IFNGR1: variants seen among roughly 807,000 people sequenced by gnomAD.
The protein encoded by IFNGR1 is AVP, type 2.
A neutral mutation model predicts 35.4 loss-of-function variants in IFNGR1; 23 were observed. The observed-to-expected ratio is 0.65, with a 90% confidence interval of 0.47 to 0.92. IFNGR1 has a LOEUF of 0.92. Among genes scored for constraint, IFNGR1 ranks in the 40% least tolerant of loss-of-function variants. The pLI is 0.00. For synonymous variants in IFNGR1, 199 were observed against 209.5 expected, an observed-to-expected ratio of 0.95 and a Z score of 0.43; for missense variants, 533 against 583.4, an observed-to-expected ratio of 0.91 and a Z score of 0.89.
At chr6:137,214,397 C>T (rs574623382) in intron 1 of IFNGR1, among the ~76,000 whole-genome samples, 6 of 152,298 alleles carry the variant, frequency 3.9e-5, no homozygotes, top group African/African-American at 9.6e-5. Flanking sequence ...AGCAAGGAGC[C>T]GCATCCCCCA....
At chr6:137,202,400 A>G (rs1743285276) in intron 5 of IFNGR1, among the ~76,000 whole-genome samples, 1 of 152,230 alleles carries the variant, frequency 6.6e-6, no homozygotes, top group African/African-American at 2.4e-5. Context: ...CATAACGAAA[A>G]TTAGCATAAA....
chr6:137,212,320 T>G (rs775616559), intron 1 of IFNGR1, among the ~76,000 whole-genome samples: 1 of 152,164 alleles, frequency 6.6e-6, no homozygotes, highest in Non-Finnish European at 1.5e-5. Flanking sequence ...TGCAATGGCA[T>G]GATCTCTGCT....
chr6:137,199,362 A>G (rs1210010217), intron 6 of IFNGR1, among the ~76,000 whole-genome samples: 2 of 131,134 alleles, frequency 1.5e-5, no homozygotes, highest in Non-Finnish European at 3.1e-5. Context: ...AATTTATAAT[A>G]TATTATATAA....
rs115194356 is a variant in IFNGR1 at position 137,202,281 on chromosome 6, C to T, written c.733+1218G>A. Among the ~76,000 whole-genome samples, 1,221 of 152,314 alleles carry T rather than the reference C, an allele frequency of 8.0e-3. 15 individuals are homozygous for T. The highest frequency in any genetic ancestry group is 0.028 in the African/African-American group (1,176 of 41,560). Reference sequence around the variant, plus strand: ...TGCTCAGGAGCCACGGCAATGCCACCGTGTGGCCATACTATCAGTGCAGTG... The same window carrying T: ...TGCTCAGGAGCCACGGCAATGCCACTGTGTGGCCATACTATCAGTGCAGTG... On this transcript the variant is annotated intron_variant, in intron 5 of 6. Coordinates refer to ENST00000367739, the MANE Select transcript of IFNGR1 (RefSeq NM_000416.3).
chr6:137,219,133 T>C, intron 1 of IFNGR1, 110 bp downstream of exon 1: 1 of 1,415,206 alleles, frequency 7.1e-7, no homozygotes, highest in Non-Finnish European at 9.7e-7. Context: ...GACGCAGGGG[T>C]CCCGGGCTAG....
chr6:137,199,320 ATATAATT>A (rs1347257505), intron 6 of IFNGR1, among the ~76,000 whole-genome samples: 2 of 132,510 alleles, frequency 1.5e-5, no homozygotes, highest in Non-Finnish European at 3.1e-5. Context: ...ATTATATAAT[ATATAATT>A]TATAATATAT....
At chr6:137,205,670 C>T (rs546490193) in intron 3 of IFNGR1, among the ~76,000 whole-genome samples, 3 of 152,124 alleles carry the variant, frequency 2.0e-5, no homozygotes, top group Non-Finnish European at 2.9e-5. Flanking sequence ...CTGGGCAGCA[C>T]AGACCCATAA....
At chr6:137,215,950 G>C (rs1481916856) in intron 1 of IFNGR1, among the ~76,000 whole-genome samples, 7 of 152,162 alleles carry the variant, frequency 4.6e-5, no homozygotes, top group Non-Finnish European at 1.0e-4. Context: ...GGGCTCCAGT[G>C]ATCCTTCCGC....
In IFNGR1 at chr6:137,198,269, C is replaced by T. The variant is rs762165619; in HGVS notation, c.1232G>A (p.Gly411Asp). The change falls in exon 7 of 7, where the codon GGT (glycine) becomes GAT (aspartate). Residue 411 changes from glycine (G) to aspartate (D), a missense_variant. Coordinates refer to ENST00000367739, the MANE Select transcript of IFNGR1 (RefSeq NM_000416.3). ...NCSESDHSRN[G>D]FDTDSSCLES... ...CAGACAGCTGGAATCAGTATCAAAACCATTTCTGGAGTGATCACTCTCAGA... is the reference window on the plus strand; with the variant it reads ...CAGACAGCTGGAATCAGTATCAAAATCATTTCTGGAGTGATCACTCTCAGA... 3.1e-6 allele frequency: 5 copies of T among 1,613,970 alleles called. No individual in the cohort carries two copies. Among genetic ancestry groups the T allele is most frequent in the Non-Finnish European group, 4.2e-6 (5 of 1,180,018 alleles).
rs1360178983 is a variant in IFNGR1 at position 137,198,330 on chromosome 6, T to C, written c.1171A>G (p.Ser391Gly). 1 of 1,614,198 alleles carries C rather than the reference T, an allele frequency of 6.2e-7. No homozygotes were observed. Among genetic ancestry groups the C allele is most frequent in the Non-Finnish European group, 8.5e-7 (1 of 1,180,030 alleles). ...GAGTGATACGAGTTTAAAGCGATGC[T>C]GCCAGGTTCAGACTGGTTACTACTT... ...PLSSNQSEPG[S>G]IALNSYHSRN... is the part of the protein sequence containing the mutation. Residue 391 changes from serine (S) to glycine (G), a missense_variant, in exon 7 of 7, where the codon AGC becomes GGC. Transcript: ENST00000367739.
chr6:137,215,012 T>C (rs1326723887), intron 1 of IFNGR1, among the ~76,000 whole-genome samples: 6 of 152,234 alleles, frequency 3.9e-5, no homozygotes, highest in Non-Finnish European at 8.8e-5. Context: ...TAATGCACAT[T>C]ATTGAATAAT....
chr6:137,214,240 T>G (rs1779639508), intron 1 of IFNGR1, among the ~76,000 whole-genome samples: 1 of 152,172 alleles, frequency 6.6e-6, no homozygotes, highest in South Asian at 2.1e-4. Flanking sequence ...AGAACCAGCA[T>G]AAGAAATCCA....
At chr6:137,198,861 GC>G (rs1481842869) in intron 6 of IFNGR1, among the ~76,000 whole-genome samples, 1 of 152,104 alleles carries the variant, frequency 6.6e-6, no homozygotes, top group Non-Finnish European at 1.5e-5. Context: ...AATATATGTT[GC>G]TTTTTGTACG....
intron 1 of IFNGR1, among the ~76,000 whole-genome samples, chr6:137,215,068 C>T (rs1477347768): frequency 6.6e-6 from 1 of 152,140 alleles, no homozygotes. Flanking sequence ...GTGTGCTTAC[C>T]TTTTTAATGC....
At position 137,206,190 on chromosome 6, in the gene IFNGR1, C is replaced by T. The variant is rs1554227256; in HGVS notation, c.319G>A (p.Gly107Arg). Residue 107 changes from glycine to arginine, a missense_variant, in exon 3 of 7, where the codon GGA becomes AGA. By Grantham distance (125) the Gly-to-Arg change is moderately radical. Transcript: ENST00000367739. ...TTTGCATAGGCAGATTCTTTTTGTCCAACCCTGGCTTTAACTCTGACCCAA... is the reference window on the plus strand; with the variant it reads ...TTTGCATAGGCAGATTCTTTTTGTCTAACCCTGGCTTTAACTCTGACCCAA... ...SLWVRVKARV[G>R]QKESAYAKSE... 7.4e-6 allele frequency: 12 copies of T among 1,614,034 alleles called. No homozygotes were observed. Among genetic ancestry groups the T allele is most frequent in the Middle Eastern group, 1.6e-4 (1 of 6,062 alleles).
At position 137,213,752 on chromosome 6, in the gene IFNGR1, T is replaced by C. The variant is rs141090990; in HGVS notation, c.85+5491A>G. Among the ~76,000 whole-genome samples, 2,485 of 152,300 alleles carry C rather than the reference T, an allele frequency of 0.016. 210 individuals carry two copies. In the South Asian group the frequency reaches 0.26, roughly 16 times the overall value. ...GGGTGGATGGCAAACTACAGATACCTGCAGAGTATAGTCTGAAGACACTGG... is the reference window on the plus strand; with the variant it reads ...GGGTGGATGGCAAACTACAGATACCCGCAGAGTATAGTCTGAAGACACTGG... On this transcript the variant is annotated intron_variant, in intron 1 of 6. Transcript: ENST00000367739.
chr6:137,215,919 C>T (rs1489820792), intron 1 of IFNGR1, among the ~76,000 whole-genome samples: 1 of 152,074 alleles, frequency 6.6e-6, no homozygotes, highest in Non-Finnish European at 1.5e-5. Flanking sequence ...GCCATGTTGC[C>T]CAGGCTGGTC....
rs1562287591 is a variant in IFNGR1 at position 137,207,813 on chromosome 6, T to C, written c.86-736A>G. On this transcript the variant is annotated intron_variant, in intron 1 of 6. Transcript: ENST00000367739. ...CATGAAAAAGGACTAATACAGTAAA[T>C]TGGTACCAGCAGAGTGGGGCATTGC... Among the ~76,000 whole-genome samples the C allele has an allele frequency of 2.6e-5, 4 of 152,174 alleles. No individual in the cohort carries two copies. In the South Asian group the frequency reaches 6.2e-4, roughly 24 times the overall value.
intron 1 of IFNGR1, chr6:137,218,714 G>C: frequency 2.9e-6 from 1 of 350,506 alleles, no homozygotes; most frequent in Non-Finnish European, 5.7e-6. Context: ...CTGAGAAATG[G>C]AGAAATGTCC....
Sources: allele counts gnomAD v4.1 joint callset (sites outside exome capture counted in the v4.1 genomes callset), GRCh38; gene constraint gnomAD v4.1.1; transcripts MANE v1.5; gene names NCBI Gene and HGNC (gene_info 2026-07-23, HGNC 2026-07-21).